The following CAD variants were observed in gnomAD, a reference collection of about 807,000 sequenced individuals.
CAD encodes multifunctional protein CAD.
In CAD, 81 loss-of-function variants were observed where a neutral mutation model predicts 237.2. That is an observed-to-expected ratio of 0.34 (90% CI 0.29 to 0.41). CAD has a LOEUF of 0.41. Ranked by LOEUF, CAD falls within the 10% of genes least tolerant of loss-of-function variation. CAD has a pLI of 1.00. For synonymous variants in CAD, 1,196 were observed against 1,162.8 expected, an observed-to-expected ratio of 1.03 and a Z score of -0.58; for missense variants, 2,181 against 2,951.7, an observed-to-expected ratio of 0.74 and a Z score of 6.05.
chr2:27,226,432 G>A, intron 13 of CAD, 93 bp from the exon 14 acceptor site: 20 of 1,550,616 alleles, frequency 1.3e-5, no homozygotes, highest in Non-Finnish European at 1.7e-5. Context: ...GTACAAGCTG[G>A]AATCTTCTTT....
rs1021999640 is a variant in CAD, at chr2:27,240,618, G to A, written c.5593+257G>A. 2.6e-6 allele frequency: 4 copies of A among 1,543,442 alleles called. No individual in the cohort carries two copies. Among genetic ancestry groups the A allele is most frequent in the Non-Finnish European group, 3.5e-6 (4 of 1,142,940 alleles). On this transcript the variant is annotated intron_variant, in intron 35 of 43. Coordinates refer to ENST00000264705, the MANE Select transcript of CAD (RefSeq NM_004341.5). The surrounding 1 kb of genome is among the most constrained non-coding windows in gnomAD (Gnocchi z 4.6). ...ATCCCACGGGGCAGCAGAGCGTGGG[G>A]TAAATCCAGGTTGTTGGTTGGTGTG...
In CAD at chr2:27,239,305, T is replaced by C; in HGVS notation, c.5254-26T>C. 6.2e-7 allele frequency: 1 copy of C among 1,606,232 alleles called. No homozygotes were observed. The highest frequency in any genetic ancestry group is 8.5e-7 in the Non-Finnish European group (1 of 1,173,696). On this transcript the variant is annotated intron_variant, in intron 32 of 43. Coordinates refer to ENST00000264705, the MANE Select transcript of CAD (RefSeq NM_004341.5). The surrounding 1 kb of genome is among the most constrained non-coding windows in gnomAD (Gnocchi z 4.0). ...ATATGTTCTCTGGGGATCCTTTCCC[T>C]AGCATAACCCATGTCCTCTGGGCAG...
chr2:27,230,090 T>C (rs1675663248), intron 15 of CAD, among the ~76,000 whole-genome samples: 1 of 150,226 alleles, frequency 6.7e-6, no homozygotes, highest in Non-Finnish European at 1.5e-5. Flanking sequence ...ATACAAAAAT[T>C]ACCCAGGCAT....
intron 12 of CAD, 66 bp downstream of exon 12, chr2:27,225,992 C>A: frequency 6.5e-7 from 1 of 1,539,090 alleles, no homozygotes; most frequent in East Asian, 2.2e-5. Context: ...AGCAGAGGCC[C>A]AGGCCAAGGT....
intron 8 of CAD, 52 bp from the exon 9 acceptor site, chr2:27,224,293 C>T: frequency 3.1e-6 from 5 of 1,599,706 alleles, no homozygotes; most frequent in Non-Finnish European, 4.3e-6. Flanking sequence ...TCCAGTTGAC[C>T]TCTTGGGTCC....
intron 2 of CAD, among the ~76,000 whole-genome samples, chr2:27,220,693 C>G (rs1191649248): frequency 6.6e-6 from 1 of 150,404 alleles, no homozygotes; most frequent in Non-Finnish European, 1.5e-5. Flanking sequence ...TGCGATGGCT[C>G]ACTCCTGTAA....
intron 3 of CAD, 100 bp downstream of exon 3, chr2:27,221,447 T>C (rs1675159943): frequency 1.8e-6 from 2 of 1,118,962 alleles, no homozygotes; most frequent in Admixed American, 7.6e-5. Context: ...TCTAAGATTG[T>C]GATAGTTGGA....
Position 27,241,906 on chromosome 2 carries a change from C to G in CAD, c.5884-5C>G. On this transcript the variant is annotated splice_polypyrimidine_tract_variant and splice_region_variant and intron_variant, in intron 38 of 43. Coordinates refer to ENST00000264705, the MANE Select transcript of CAD (RefSeq NM_004341.5). The surrounding 1 kb of genome is among the most constrained non-coding windows in gnomAD (Gnocchi z 4.6). ...CGTACACCTTCCATCTTGCTCTTTC[C>G]CTAGGGGAAGGTCATGGCCTCCATG... 1.2e-6 allele frequency: 2 copies of G among 1,611,012 alleles called. No individual in the cohort carries two copies. The highest frequency in any genetic ancestry group is 2.2e-5 in the South Asian group (2 of 91,014).
chr2:27,223,430 CAA>C (rs71834349), intron 6 of CAD, 131 bp from the exon 7 acceptor site: 10,313 of 614,950 alleles, frequency 0.017, no homozygotes, highest in South Asian at 0.028. Context: ...GACTCCGTCT[CAA>C]AAAAAAAAAA....
chr2:27,236,208 A>G lies in CAD; in HGVS notation c.4075-76A>G. On this transcript the variant is annotated intron_variant, in intron 25 of 43. Transcript: ENST00000264705. This position sits in a 1 kb window ranked among gnomAD's most constrained non-coding sequence, Gnocchi z 4.1. ...TCTCCTCATCATGGGCTCCTGGGCC[A>G]GCTCCTCTCCCTTAAGGCTAGCCTT... The G allele has an allele frequency of 6.4e-7, 1 of 1,564,812 alleles. No individual in the cohort carries two copies.
In CAD at chr2:27,224,883, C is replaced by T. The variant is rs1329267804; in HGVS notation, c.1386+7C>T. The T allele has an allele frequency of 2.5e-6, 4 of 1,614,060 alleles. No individual in the cohort carries two copies. In the African/African-American group the frequency reaches 4.0e-5, roughly 16 times the overall value. On this transcript the variant is annotated splice_region_variant and intron_variant, in intron 10 of 43. Transcript: ENST00000264705. ...ACCTCATTATGTAACCCAGGTATGA[C>T]TGGGGCAAGGCTGGAATGAAAAGAG... is the stretch of plus-strand genomic sequence containing the variant.
In CAD at chr2:27,239,434, T is replaced by C; in HGVS notation, c.5357T>C (p.Val1786Ala). ...AAAGTGAAGGGCACCGTCCGCCGTG[T>C]GGTCCTGCGAGGGGAGGTTGCCTAT... The part of the protein sequence containing the change: ...GQKVKGTVRR[V>A]VLRGEVAYID... The change falls in exon 33 of 44, where the codon GTG becomes GCG. Residue 1786 changes from valine (V) to alanine (A), a missense_variant. Coordinates refer to ENST00000264705, the MANE Select transcript of CAD (RefSeq NM_004341.5). The surrounding 1 kb of genome is among the most constrained non-coding windows in gnomAD (Gnocchi z 4.0). 6.2e-7 allele frequency: 1 copy of C among 1,614,008 alleles called. No individual in the cohort carries two copies. Among genetic ancestry groups the C allele is most frequent in the Non-Finnish European group, 8.5e-7 (1 of 1,179,920 alleles).
rs562210626 is a variant in CAD, at chr2:27,232,588, C to A, written c.2786C>A (p.Thr929Asn). The part of the protein sequence containing the change: ...LTYWGTTHDL[T>N]FRTPHVLVLG... Reference sequence around the variant, plus strand: ...TATTGGGGCACCACCCATGACCTCACCTTTCGAACACCTCATGTCCTAGTC... The same window carrying A: ...TATTGGGGCACCACCCATGACCTCAACTTTCGAACACCTCATGTCCTAGTC... Residue 929 changes from threonine to asparagine, a missense_variant, in exon 18 of 44, where the codon ACC becomes AAC. This residue lies in a region of CAD where 385 missense variants were observed against 535.1 expected (regional missense o/e 0.72). Coordinates refer to ENST00000264705, the MANE Select transcript of CAD (RefSeq NM_004341.5). This position sits in a 1 kb window ranked among gnomAD's most constrained non-coding sequence, Gnocchi z 4.1. The A allele has an allele frequency of 6.2e-7, 1 of 1,614,214 alleles. No homozygotes were observed. Among genetic ancestry groups the A allele is most frequent in the East Asian group, 2.2e-5 (1 of 44,888 alleles).
intron 15 of CAD, among the ~76,000 whole-genome samples, chr2:27,230,444 A>G (rs1675687096): frequency 6.6e-6 from 1 of 152,136 alleles, no homozygotes; most frequent in African/African-American, 2.4e-5. Context: ...GTTTGAGACC[A>G]GCTTGGCCAA....
Position 27,234,634 on chromosome 2 carries a change from A to G in CAD, c.3735A>G (p.Glu1245=). 6.2e-7 allele frequency: 1 copy of G among 1,614,126 alleles called. No individual in the cohort carries two copies. The highest frequency in any genetic ancestry group is 8.5e-7 in the Non-Finnish European group (1 of 1,179,988). Reference sequence around the variant, plus strand: ...TGGCCACGCGGGTCATCATGGGGGAAGAAGTGGAACCTGTGGGGCTAATGA... The same window carrying G: ...TGGCCACGCGGGTCATCATGGGGGAGGAAGTGGAACCTGTGGGGCTAATGA... ...VALATRVIMG[E]EVEPVGLMTG... The change falls in exon 23 of 44, where the codon GAA becomes GAG. Residue 1245 remains glutamate (E), a synonymous_variant. Transcript: ENST00000264705.
At chr2:27,220,594 G>T (rs898515926) in intron 2 of CAD, among the ~76,000 whole-genome samples, 1 of 151,406 alleles carries the variant, frequency 6.6e-6, no homozygotes, top group Non-Finnish European at 1.5e-5. Context: ...AGGCTGTAGT[G>T]AACCGTGTAT....
At chr2:27,220,690 G>A (rs952103502) in intron 2 of CAD, among the ~76,000 whole-genome samples, 1 of 150,988 alleles carries the variant, frequency 6.6e-6, no homozygotes, top group Non-Finnish European at 1.5e-5. Flanking sequence ...AGGTGCGATG[G>A]CTCACTCCTG....
At chr2:27,220,110 T>C (rs1675082988) in intron 2 of CAD, among the ~76,000 whole-genome samples, 1 of 152,316 alleles carries the variant, frequency 6.6e-6, no homozygotes, top group South Asian at 2.1e-4. Context: ...CTTTTTTTGC[T>C]CATTGCTCTT....
chr2:27,226,486 G>T, intron 13 of CAD, 39 bp from the exon 14 acceptor site: 1 of 1,607,640 alleles, frequency 6.2e-7, no homozygotes, highest in South Asian at 1.1e-5. Context: ...TCCTAGACAG[G>T]GTCTTCTAGG....
Sources: allele counts gnomAD v4.1 joint callset (sites outside exome capture counted in the v4.1 genomes callset), GRCh38; gene constraint gnomAD v4.1.1; regional missense constraint gnomAD v4.1.1; non-coding constraint Gnocchi (gnomAD v3.1); transcripts MANE v1.5; gene names NCBI Gene and HGNC (gene_info 2026-07-23, HGNC 2026-07-21).